Variants in CCDC33 observed in about 807,000 individuals in gnomAD.
CCDC33 encodes the protein coiled-coil domain-containing protein 33.
CCDC33 carries 94 observed loss-of-function variants against 91.9 expected under a neutral mutation model. The observed-to-expected ratio is 1.02, with a 90% CI of 0.87 to 1.21. The LOEUF is 1.21. Ranked by LOEUF, CCDC33 falls within the 50% of genes most tolerant of loss-of-function variation. The pLI, the probability that CCDC33 is intolerant of heterozygous loss-of-function variation, is 0.00. For missense variants in CCDC33, 940 were observed against 935.5 expected, an observed-to-expected ratio of 1.00 and a Z score of -0.06; for synonymous variants, 396 against 374.5, an observed-to-expected ratio of 1.06 and a Z score of -0.66.
exon 1 of CCDC33, chr15:74,217,493 C>T (rs1038432139): frequency 7.8e-7 from 1 of 1,289,640 alleles, no homozygotes; most frequent in South Asian, 1.2e-5. Flanking sequence ...TCCCTGCCTG[C>T]TCTGCTATCA....
exon 1 of CCDC33, chr15:74,203,047 A>G (rs2074158829): frequency 3.0e-6 from 3 of 985,760 alleles, no homozygotes; most frequent in Non-Finnish European, 3.6e-6. Flanking sequence ...CCTGCCCGCC[A>G]CATCTGCAGT....
chr15:74,260,132 G>T (rs1173903961), intron 2 of CCDC33, among the ~76,000 whole-genome samples: 1 of 152,242 alleles, frequency 6.6e-6, no homozygotes, highest in Non-Finnish European at 1.5e-5. Flanking sequence ...TGGGGCAGCT[G>T]TCAGGAGCGG....
At chr15:74,239,484 C>T (rs2075280265) in intron 1 of CCDC33, among the ~76,000 whole-genome samples, 2 of 152,202 alleles carry the variant, frequency 1.3e-5, no homozygotes, top group African/African-American at 4.8e-5. Context: ...GCAAGGCTGC[C>T]TGTCTGTTTG....
chr15:74,220,917 G>A (rs2074571821), intron 2 of CCDC33, among the ~76,000 whole-genome samples: 1 of 152,298 alleles, frequency 6.6e-6, no homozygotes, highest in Middle Eastern at 3.4e-3. Flanking sequence ...AGGAAGGCAG[G>A]CACCTTTCTG....
chr15:74,218,943 C>T lies in CCDC33; in HGVS notation c.675+82C>T. ...CCTCCGTGATAAGCCAGGCTACCCC[C>T]TGTCCTGAGCTGAGCTGAGCAGAGC... On this transcript the variant is annotated intron_variant, in intron 2 of 2. Transcript: ENST00000635913. This position sits in a 1 kb window ranked among gnomAD's most constrained non-coding sequence, Gnocchi z 4.8. 8.5e-7 allele frequency: 1 copy of T among 1,176,236 alleles called. No individual in the cohort carries two copies. The highest frequency in any genetic ancestry group is 1.1e-6 in the Non-Finnish European group (1 of 929,194). 72.9% of individuals were successfully genotyped at this position (1,176,236 alleles called of 1,614,324 possible).
At chr15:74,312,896 C>T (rs909117322) in intron 11 of CCDC33, among the ~76,000 whole-genome samples, 1 of 152,188 alleles carries the variant, frequency 6.6e-6, no homozygotes, top group Admixed American at 6.5e-5. Flanking sequence ...GCAAAACCTT[C>T]TGAGTCTGAC....
At chr15:74,262,295 G>A in intron 2 of CCDC33, 145 bp from the exon 3 acceptor site, 1 of 1,061,274 alleles carries the variant, frequency 9.4e-7, no homozygotes. Context: ...AGAGGCCTGG[G>A]ATGACACAAG....
chr15:74,258,708 G>A (rs1233484125), intron 2 of CCDC33, among the ~76,000 whole-genome samples: 1 of 152,122 alleles, frequency 6.6e-6, no homozygotes, highest in African/African-American at 2.4e-5. Flanking sequence ...TGGAGTGAGG[G>A]GGAAAGCGGC....
intron 7 of CCDC33, among the ~76,000 whole-genome samples, chr15:74,277,383 T>G (rs1375966607): frequency 2.0e-5 from 3 of 152,076 alleles, no homozygotes; most frequent in Non-Finnish European, 4.4e-5. Context: ...TGGATGTGGG[T>G]GGGCCCAGGG....
intron 10 of CCDC33, 24 bp downstream of exon 10, chr15:74,281,873 G>A: frequency 6.2e-7 from 1 of 1,604,138 alleles, no homozygotes; most frequent in Non-Finnish European, 8.5e-7. Flanking sequence ...CCAGGGGAGG[G>A]TCAGGGCCAG....
chr15:74,216,981 T>C (rs1219226892), upstream of CCDC33, among the ~76,000 whole-genome samples: 1 of 152,252 alleles, frequency 6.6e-6, no homozygotes, highest in Non-Finnish European at 1.5e-5. Context: ...GCTGGAGTTA[T>C]TGTTTGGTTC....
intron 5 of CCDC33, 83 bp from the exon 6 acceptor site, chr15:74,271,620 G>A: frequency 1.0e-6 from 1 of 986,404 alleles, no homozygotes. Context: ...TGGGGAAAAA[G>A]AGGGTAGGCA....
At chr15:74,296,001 A>G in intron 11 of CCDC33, 53 bp downstream of exon 11, 1 of 1,491,674 alleles carries the variant, frequency 6.7e-7, no homozygotes, top group East Asian at 2.4e-5. Context: ...AGGCCATGGG[A>G]AGGGGACTTG....
At position 74,280,821 on chromosome 15, in the gene CCDC33, C is replaced by T; in HGVS notation, c.1023+20C>T. The stretch of plus-strand genomic sequence containing the variant: ...ATCATGGTGAGCCCCCTGCCCTGAA[C>T]TGGGCCCCTAGCGTGCCCACCTGGC... On this transcript the variant is annotated intron_variant, in intron 9 of 18. Transcript: ENST00000398814. 2.7e-6 allele frequency: 4 copies of T among 1,468,366 alleles called. No homozygotes were observed. Among genetic ancestry groups the T allele is most frequent in the Non-Finnish European group, 3.6e-6 (4 of 1,105,916 alleles). 91.0% of individuals were successfully genotyped at this position (1,468,366 alleles called of 1,614,324 possible).
Position 74,244,185 on chromosome 15 carries a change from T to C in CCDC33, c.185+37T>C. The C allele has an allele frequency of 6.3e-7, 1 of 1,585,438 alleles. No individual in the cohort carries two copies. ...CGTGAGAGTGGGGGCAGGGGATGGG[T>C]TGGGCTGTGAGCAGAAACCAGGGGA... On this transcript the variant is annotated intron_variant, in intron 2 of 18. Coordinates refer to ENST00000398814, the MANE Select transcript of CCDC33 (RefSeq NM_025055.5). This position sits in a 1 kb window ranked among gnomAD's most constrained non-coding sequence, Gnocchi z 4.2.
At chr15:74,260,084 C>T (rs1347455057) in intron 2 of CCDC33, among the ~76,000 whole-genome samples, 3 of 152,200 alleles carry the variant, frequency 2.0e-5, no homozygotes, top group African/African-American at 4.8e-5. Context: ...CTGGGTAGCA[C>T]AGGGAGGCTG....
rs995075760 is a variant in CCDC33 at position 74,286,639 on chromosome 15, G to A, written c.1095+4790G>A. Among the ~76,000 whole-genome samples, 24 of 152,242 alleles carry A rather than the reference G, an allele frequency of 1.6e-4. 1 individual carries two copies. The highest frequency in any genetic ancestry group is 1.4e-3 in the Admixed American group (22 of 15,294). ...GTGGGACAAGTTCATGCCGTCATCTGGGTATACAGCAACATTTCTCCTCTT... is the reference window on the plus strand; with the variant it reads ...GTGGGACAAGTTCATGCCGTCATCTAGGTATACAGCAACATTTCTCCTCTT... On this transcript the variant is annotated intron_variant, in intron 10 of 18. Transcript: ENST00000398814.
chr15:74,323,301 G>A (rs1319485606), intron 11 of CCDC33, among the ~76,000 whole-genome samples: 2 of 151,882 alleles, frequency 1.3e-5, no homozygotes, highest in Non-Finnish European at 2.9e-5. Context: ...ATTGTGAAAT[G>A]TAACCCATTT....
upstream of CCDC33, chr15:74,217,096 A>G: frequency 3.2e-6 from 1 of 312,952 alleles, no homozygotes. Flanking sequence ...GATGGAAAAA[A>G]ACTTCCCTGG....
Sources: gnomAD v4.1 joint callset for allele counts (sites outside exome capture counted in the v4.1 genomes callset) on GRCh38, gnomAD v4.1.1 for gene constraint, Gnocchi (gnomAD v3.1) non-coding constraint, MANE v1.5 for transcripts, NCBI Gene and HGNC (gene_info 2026-07-23, HGNC 2026-07-21) for gene names.